The following DOCK2 variants were observed in gnomAD, a reference collection of about 807,000 sequenced individuals.
DOCK2 encodes the protein dedicator of cytokinesis 2, also known as dedicator of cytokinesis protein 2.
DOCK2 carries 87 observed loss-of-function variants against 248.9 expected under a neutral mutation model. The observed-to-expected ratio is 0.35, with a 90% CI of 0.29 to 0.42. The LOEUF is 0.42. Ranked by LOEUF, DOCK2 falls within the 10% of genes least tolerant of loss-of-function variation. The pLI, the probability that DOCK2 is intolerant of heterozygous loss-of-function variation, is 1.00. For missense variants in DOCK2, 1,747 were observed against 2,300.2 expected, an observed-to-expected ratio of 0.76 and a Z score of 4.92; for synonymous variants, 805 against 821.6, an observed-to-expected ratio of 0.98 and a Z score of 0.35.
Position 169,689,332 on chromosome 5 carries a change from C to T in DOCK2, c.842C>T (p.Thr281Met), listed in dbSNP as rs748096915. ...EMLNNLKVVF[T>M]DLGNKDLNRD... is the part of the protein sequence containing the mutation. ...CTCAACAATCTGAAGGTGGTCTTCA[C>T]GGTGAGTGTGCACCCTCTTCTCGTT... The change falls in exon 9 of 52, where the codon ACG becomes ATG. Residue 281 changes from threonine (T) to methionine (M), a missense_variant and splice_region_variant. Thr to Met is a moderately conservative substitution (Grantham distance 81). Coordinates refer to ENST00000520908, the MANE Select transcript of DOCK2 (RefSeq NM_004946.3). 5.0e-6 allele frequency: 8 copies of T among 1,613,910 alleles called. No individual in the cohort carries two copies. Among genetic ancestry groups the T allele is most frequent in the Admixed American group, 3.3e-5 (2 of 60,016 alleles).
rs553369944 is a variant in DOCK2, at chr5:169,951,715, G to A, written c.2800-31353G>A. 4.6e-5 allele frequency among the ~76,000 whole-genome samples: 7 copies of A among 152,322 alleles called. No homozygotes were observed. The South Asian group carries it at 1.4e-3, about 32-fold the overall frequency. ...GCTTCTGTTATATACACAAACATATGTATAGCTACACCAAGGATTGTGCTC... is the reference window on the plus strand; with the variant it reads ...GCTTCTGTTATATACACAAACATATATATAGCTACACCAAGGATTGTGCTC... On this transcript the variant is annotated intron_variant, in intron 27 of 51. Transcript: ENST00000520908.
chr5:169,698,256 C>A, intron 10 of DOCK2, 118 bp from the exon 11 acceptor site: 1 of 954,992 alleles, frequency 1.0e-6, no homozygotes, highest in Non-Finnish European at 1.6e-6. Context: ...CCATTTTAGG[C>A]CTTCCTGACC....
intron 1 of DOCK2, among the ~76,000 whole-genome samples, chr5:169,645,823 C>T (rs554724174): frequency 4.6e-5 from 7 of 152,286 alleles, no homozygotes; most frequent in South Asian, 4.1e-4. Context: ...TCTCGGCTCA[C>T]TGCAAGCTCC....
chr5:169,962,297 C>T (rs1257348423), intron 27 of DOCK2, among the ~76,000 whole-genome samples: 2 of 152,030 alleles, frequency 1.3e-5, no homozygotes, highest in African/African-American at 4.8e-5. Context: ...AGAGTCTGGC[C>T]ATATGTTATA....
intron 9 of DOCK2, among the ~76,000 whole-genome samples, chr5:169,693,868 GTT>G (rs749932137): frequency 6.6e-6 from 1 of 152,192 alleles, no homozygotes; most frequent in African/African-American, 2.4e-5. Context: ...TGGCAAACCT[GTT>G]TTTGCTCTTA....
intron 26 of DOCK2, among the ~76,000 whole-genome samples, chr5:169,813,042 A>T (rs918309959): frequency 1.3e-5 from 2 of 152,214 alleles, no homozygotes; most frequent in South Asian, 4.1e-4. Context: ...GACTGGAGAA[A>T]GGTGTCTTCC....
intron 15 of DOCK2, among the ~76,000 whole-genome samples, chr5:169,709,728 A>C (rs386176): frequency 0.12 from 18,154 of 152,176 alleles, 2,019 homozygotes; most frequent in Admixed American, 0.29. Flanking sequence ...CTCAGAAAAA[A>C]AAAAATTCAT....
In DOCK2 at chr5:169,639,922, A is replaced by G. The variant is rs546044733; in HGVS notation, c.43+2553A>G. Among the ~76,000 whole-genome samples, 3 of 152,342 alleles carry G rather than the reference A, an allele frequency of 2.0e-5. No homozygotes were observed. In the South Asian group the frequency reaches 6.2e-4, roughly 32 times the overall value. On this transcript the variant is annotated intron_variant, in intron 1 of 51. Coordinates refer to ENST00000520908, the MANE Select transcript of DOCK2 (RefSeq NM_004946.3). ...TTAAACAACAGAAATGTATTTTCTC[A>G]CAGTTCTCGAGGCTGGAAGTCTAAG...
intron 1 of DOCK2, 37 bp from the exon 2 acceptor site, chr5:169,654,366 G>C (rs1192952229): frequency 1.2e-6 from 2 of 1,603,210 alleles, no homozygotes; most frequent in East Asian, 4.5e-5. Flanking sequence ...ATGAGATCTA[G>C]AGGTCTCACC....
intron 33 of DOCK2, among the ~76,000 whole-genome samples, chr5:170,026,200 C>T (rs984004436): frequency 1.1e-4 from 16 of 152,122 alleles, no homozygotes; most frequent in Admixed American, 4.6e-4. Context: ...GTGGTCCCTG[C>T]CTTTTCATCA....
intron 22 of DOCK2, among the ~76,000 whole-genome samples, chr5:169,746,849 A>G (rs984895384): frequency 6.6e-6 from 1 of 152,208 alleles, no homozygotes; most frequent in African/African-American, 2.4e-5. Context: ...TTAGGTTTAC[A>G]TGTTTTACAG....
chr5:169,780,333 G>GTGTGTGTGTGTGTGTGGA (rs1554100110), intron 25 of DOCK2, among the ~76,000 whole-genome samples: 17 of 145,098 alleles, frequency 1.2e-4, no homozygotes, highest in African/African-American at 4.7e-4. Flanking sequence ...GTGTGTGTGT[G>GTGTGTGTGTGTGTGTGGA]TGTGTGTTGA....
Position 169,681,873 on chromosome 5 carries a change from A to G in DOCK2, c.600A>G (p.Glu200=). The G allele has an allele frequency of 6.2e-7, 1 of 1,613,690 alleles. No homozygotes were observed. Residue 200 remains glutamate, a synonymous_variant, in exon 7 of 52, where the codon GAA becomes GAG. Transcript: ENST00000520908. ...ATDKITERIK[E]EMSKDQPDYA... Reference sequence around the variant, plus strand: ...ATAAAATCACAGAGCGTATCAAAGAAGAAATGGTGAGCTTTACTAAATAGG... The same window carrying G: ...ATAAAATCACAGAGCGTATCAAAGAGGAAATGGTGAGCTTTACTAAATAGG...
intron 9 of DOCK2, chr5:169,695,270 A>C (rs1760545448): frequency 6.5e-6 from 1 of 154,292 alleles, no homozygotes. Context: ...CTGCACCAGA[A>C]GTAAACTTCT....
chr5:169,940,002 T>G (rs1776170101), intron 27 of DOCK2, among the ~76,000 whole-genome samples: 1 of 152,210 alleles, frequency 6.6e-6, no homozygotes, highest in Non-Finnish European at 1.5e-5. Context: ...CTTTCAGATC[T>G]TACCTCCAAA....
At chr5:169,900,025 G>A (rs1773833053) in intron 27 of DOCK2, among the ~76,000 whole-genome samples, 1 of 152,196 alleles carries the variant, frequency 6.6e-6, no homozygotes, top group Non-Finnish European at 1.5e-5. Flanking sequence ...GAAACCACAA[G>A]CTGTCTTTTC....
intron 1 of DOCK2, among the ~76,000 whole-genome samples, chr5:169,643,354 C>A (rs568926357): frequency 2.2e-5 from 1 of 45,486 alleles, no homozygotes; most frequent in East Asian, 7.3e-4. Flanking sequence ...TGGTCTGCAA[C>A]CTTTTCAGCA....
intron 6 of DOCK2, among the ~76,000 whole-genome samples, chr5:169,674,687 A>G (rs900668926): frequency 1.3e-5 from 2 of 152,164 alleles, no homozygotes; most frequent in Non-Finnish European, 2.9e-5. Context: ...GAGATTTAGG[A>G]CACTCATTTA....
chr5:169,803,281 C>T, intron 26 of DOCK2, 75 bp downstream of exon 26: 4 of 1,534,980 alleles, frequency 2.6e-6, no homozygotes, highest in South Asian at 2.5e-5. Flanking sequence ...AATATTGATA[C>T]TGATGGATAG....
Sources: gnomAD v4.1 joint callset for allele counts (sites outside exome capture counted in the v4.1 genomes callset) on GRCh38, gnomAD v4.1.1 for gene constraint, MANE v1.5 for transcripts, NCBI Gene and HGNC (gene_info 2026-07-23, HGNC 2026-07-21) for gene names.